PCDH15: variants seen among roughly 807,000 people sequenced by gnomAD.
PCDH15 encodes the protein protocadherin related 15, also known as protocadherin-15.
PCDH15 carries 129 observed loss-of-function variants against 178.5 expected under a neutral mutation model. The ratio of observed to expected loss-of-function variants is 0.72; its 90% confidence interval spans 0.63 to 0.84. The LOEUF is 0.84. Among genes scored for constraint, PCDH15 ranks in the 40% least tolerant of loss-of-function variants. The probability of loss-of-function intolerance (pLI) is 0.00; values close to 1 mark genes in which losing one functional copy is unlikely to be tolerated. For synonymous variants in PCDH15, 800 were observed against 732.0 expected (o/e 1.09, Z -1.50); for missense variants, 2,230 against 2,099.9 (o/e 1.06, Z -1.21).
intron 2 of PCDH15, among the ~76,000 whole-genome samples, chr10:55,095,248 G>A (rs1842421664): frequency 6.6e-6 from 1 of 151,714 alleles, no homozygotes; most frequent in South Asian, 2.1e-4. Flanking sequence ...GGCCACTGTG[G>A]CCAAATTATT....
chr10:54,759,519 C>T (rs987207865), intron 1 of PCDH15, among the ~76,000 whole-genome samples: 1 of 152,128 alleles, frequency 6.6e-6, no homozygotes, highest in African/African-American at 2.4e-5. Flanking sequence ...AAACAACCTG[C>T]ATGTATGCAG....
At chr10:54,747,465 C>T (rs1390339971) in intron 1 of PCDH15, among the ~76,000 whole-genome samples, 1 of 152,258 alleles carries the variant, frequency 6.6e-6, no homozygotes, top group Non-Finnish European at 1.5e-5. Flanking sequence ...TCTATTGACA[C>T]GTTTGTTCCT....
At chr10:55,111,289 T>C (rs1837494409) in intron 2 of PCDH15, among the ~76,000 whole-genome samples, 1 of 152,204 alleles carries the variant, frequency 6.6e-6, no homozygotes, top group Non-Finnish European at 1.5e-5. Context: ...AATTTACATC[T>C]AGTCTAATGG....
At chr10:53,867,238 T>C (rs933080304) in intron 26 of PCDH15, among the ~76,000 whole-genome samples, 23 of 152,066 alleles carry the variant, frequency 1.5e-4, no homozygotes, top group African/African-American at 5.3e-4. Context: ...TAAGAACATG[T>C]ATGTGGCATT....
intron 21 of PCDH15, among the ~76,000 whole-genome samples, chr10:53,969,862 C>G (rs978155143): frequency 6.6e-6 from 1 of 152,094 alleles, no homozygotes; most frequent in Non-Finnish European, 1.5e-5. Context: ...AAAGGAAGCA[C>G]TAAACATGGA....
chr10:54,489,936 A>C (rs1400603119), intron 3 of PCDH15, among the ~76,000 whole-genome samples: 1 of 152,168 alleles, frequency 6.6e-6, no homozygotes, highest in Admixed American at 6.6e-5. Flanking sequence ...CACCTAGGTA[A>C]AATGTTTAGT....
chr10:55,155,721 C>T (rs1261011577), intron 2 of PCDH15, among the ~76,000 whole-genome samples: 1 of 151,990 alleles, frequency 6.6e-6, no homozygotes, highest in African/African-American at 2.4e-5. Context: ...CTACATGAAA[C>T]TATCCCAAGG....
intron 16 of PCDH15, among the ~76,000 whole-genome samples, chr10:54,084,404 C>T (rs1165484773): frequency 2.6e-5 from 4 of 151,262 alleles, no homozygotes; most frequent in Non-Finnish European, 4.4e-5. Context: ...ACCCAGGAGG[C>T]GGAGGTTGCA....
chr10:54,899,929 T>C (rs1418690548), intron 2 of PCDH15, among the ~76,000 whole-genome samples: 1 of 72,404 alleles, frequency 1.4e-5, no homozygotes, highest in Non-Finnish European at 2.6e-5. Context: ...AATAATAAAG[T>C]GCTTTAAAAA....
rs2094619790 is a variant in PCDH15 at position 54,092,673 on chromosome 10, G to A, written c.1918-2610C>T. Among the ~76,000 whole-genome samples the A allele has an allele frequency of 2.0e-5, 3 of 152,206 alleles. No individual in the cohort carries two copies. The South Asian group carries it at 6.2e-4, about 32-fold the overall frequency. On this transcript the variant is annotated intron_variant, in intron 15 of 37. Transcript: ENST00000644397. ...TCAATAAAATGGATAGTAGACGCTT[G>A]ATATTTTTCCCTTGCATTCTGTTCT...
chr10:55,463,865 G>C (rs963176003), intron 2 of PCDH15, among the ~76,000 whole-genome samples: 1 of 128,196 alleles, frequency 7.8e-6, no homozygotes, highest in Non-Finnish European at 1.6e-5. Context: ...AGAATGAGAC[G>C]AAAGAAAGAG....
At chr10:54,745,031 A>T (rs1350962285) in intron 1 of PCDH15, among the ~76,000 whole-genome samples, 1 of 152,152 alleles carries the variant, frequency 6.6e-6, no homozygotes, top group African/African-American at 2.4e-5. Context: ...CATGCGTAAC[A>T]TATATTTTAT....
At chr10:55,563,346 T>A (rs1488055829) in intron 2 of PCDH15, among the ~76,000 whole-genome samples, 2 of 151,850 alleles carry the variant, frequency 1.3e-5, no homozygotes, top group Non-Finnish European at 2.9e-5. Context: ...AGCAACTGCA[T>A]ACATGAGGGA....
chr10:53,915,051 G>C (rs766327744), intron 25 of PCDH15, among the ~76,000 whole-genome samples: 1 of 152,020 alleles, frequency 6.6e-6, no homozygotes, highest in Non-Finnish European at 1.5e-5. Flanking sequence ...TTCTTACTAA[G>C]GGGTTTATAG....
chr10:55,131,784 T>G (rs191619863), intron 2 of PCDH15, among the ~76,000 whole-genome samples: 6 of 152,158 alleles, frequency 3.9e-5, no homozygotes, highest in Non-Finnish European at 8.8e-5. Context: ...TTTATGGGCT[T>G]CAAAGGGGAG....
chr10:54,029,943 T>C (rs1029893989), intron 18 of PCDH15, among the ~76,000 whole-genome samples: 3 of 152,178 alleles, frequency 2.0e-5, no homozygotes, highest in Non-Finnish European at 4.4e-5. Context: ...AACAGGTTGA[T>C]GTTTGCACTC....
chr10:54,188,942 G>C (rs117263298), intron 11 of PCDH15, among the ~76,000 whole-genome samples: 3,714 of 151,972 alleles, frequency 0.024, 57 homozygotes, highest in Middle Eastern at 0.078. Context: ...TATCTCCTCA[G>C]CCAGTTTTAA....
rs145817590 is a variant in PCDH15 at position 54,081,390 on chromosome 10, A to T, written c.1998-1966T>A. 8.2e-3 allele frequency among the ~76,000 whole-genome samples: 1,242 copies of T among 152,160 alleles called. 13 individuals carry two copies. Among genetic ancestry groups the T allele is most frequent in the African/African-American group, 0.028 (1,179 of 41,520 alleles). On this transcript the variant is annotated intron_variant, in intron 16 of 37. Transcript: ENST00000644397. ...TATTCCAAAAATACTATATGCCGTG[A>T]ACAATATAGTATACAGTATATTCAT...
intron 3 of PCDH15, among the ~76,000 whole-genome samples, chr10:54,420,577 T>C (rs1367149858): frequency 6.6e-6 from 1 of 152,054 alleles, no homozygotes; most frequent in Non-Finnish European, 1.5e-5. Flanking sequence ...TGGCATGAGT[T>C]GTTTTAAGGA....
Sources: allele counts gnomAD v4.1 joint callset (sites outside exome capture counted in the v4.1 genomes callset), GRCh38; gene constraint gnomAD v4.1.1; transcripts MANE v1.5; gene names NCBI Gene and HGNC (gene_info 2026-07-23, HGNC 2026-07-21).